The following CRTC1 variants were observed in gnomAD, a reference collection of about 807,000 sequenced individuals.
CRTC1 encodes the protein CREB-regulated transcription coactivator 1.
A neutral mutation model predicts 66.1 loss-of-function variants in CRTC1; 18 were observed. That is an observed-to-expected ratio of 0.27 (90% CI 0.19 to 0.40). CRTC1 has a LOEUF of 0.40. Among genes scored for constraint, CRTC1 ranks in the 10% least tolerant of loss-of-function variants. CRTC1 has a pLI of 1.00. For synonymous variants in CRTC1, 416 were observed against 398.8 expected, an observed-to-expected ratio of 1.04 and a Z score of -0.51; for missense variants, 669 against 887.9, an observed-to-expected ratio of 0.75 and a Z score of 3.13.
chr19:18,765,731 C>T (rs755486671), intron 9 of CRTC1, among the ~76,000 whole-genome samples: 2 of 152,082 alleles, frequency 1.3e-5, no homozygotes, highest in African/African-American at 2.4e-5. Context: ...GAGGCTGAGG[C>T]GGGTGGATCA....
rs982947001 is a variant in CRTC1 at position 18,781,203 on chromosome 19, TGTG to T, written c.*3825_*3827del. Reference sequence around the variant, plus strand: ...CCCTGGGCCTGGCCCGTCACCCACATGTGGTGCCCTGGGCCAGGGCGTGCGGGC... The same window carrying T: ...CCCTGGGCCTGGCCCGTCACCCACATGTGCCCTGGGCCAGGGCGTGCGGGC... On this transcript the variant is annotated 3_prime_UTR_variant, in exon 14 of 14. Transcript: ENST00000321949. 4.4e-6 allele frequency: 1 copy of T among 225,058 alleles called. No homozygotes were observed. The highest frequency in any genetic ancestry group is 6.3e-5 in the East Asian group (1 of 15,774). The allele number at this position is 225,058 out of a possible 1,614,324, so 13.9% of individuals were successfully genotyped here.
At chr19:18,731,310 C>T (rs1431771373) in intron 1 of CRTC1, among the ~76,000 whole-genome samples, 1 of 152,198 alleles carries the variant, frequency 6.6e-6, no homozygotes, top group African/African-American at 2.4e-5. Flanking sequence ...GGCCCCTTTC[C>T]AGCTCCTGGT....
chr19:18,778,323 G>A lies in CRTC1; in HGVS notation c.*941G>A. 2 of 222,998 alleles carry A rather than the reference G, an allele frequency of 9.0e-6. No homozygotes were observed. Among genetic ancestry groups the A allele is most frequent in the Non-Finnish European group, 1.8e-5 (2 of 111,704 alleles). The allele number at this position is 222,998 out of a possible 1,614,324, so 13.8% of individuals were successfully genotyped here. ...TCCTTTTAGTTTCTAGTTACATTTT[G>A]GTTGTAGATGACTCGCTTAATCTTT... On this transcript the variant is annotated 3_prime_UTR_variant, in exon 14 of 14. Coordinates refer to ENST00000321949, the MANE Select transcript of CRTC1 (RefSeq NM_015321.3).
chr19:18,765,508 C>T lies in CRTC1; in HGVS notation c.991C>T (p.Pro331Ser), dbSNP rs1244534272. Residue 331 changes from proline to serine, a missense_variant, in exon 9 of 14, where the codon CCG becomes TCG. Physicochemically the swap from Pro to Ser is moderately conservative, Grantham distance 74 (BLOSUM62 -1). Transcript: ENST00000321949. ...TCAGCAGGCATCGCCCACCCTGTCC[C>T]CGCTGTCACCCATCACTCAGGTGCG... ...RRQQASPTLS[P>S]LSPITQAVAM... The T allele has an allele frequency of 2.5e-6, 4 of 1,606,928 alleles. No homozygotes were observed. Among genetic ancestry groups the T allele is most frequent in the Admixed American group, 1.7e-5 (1 of 59,896 alleles).
In CRTC1 at chr19:18,779,844, C is replaced by T; in HGVS notation, c.*2462C>T. On this transcript the variant is annotated 3_prime_UTR_variant, in exon 14 of 14. Coordinates refer to ENST00000321949, the MANE Select transcript of CRTC1 (RefSeq NM_015321.3). ...CCTGGTGGACCGAGGTCCGAGCTTG[C>T]CAGGGACAGTGGGGCCCACGCGAGT... The T allele has an allele frequency of 4.4e-6, 1 of 227,168 alleles. No individual in the cohort carries two copies. The highest frequency in any genetic ancestry group is 8.7e-6 in the Non-Finnish European group (1 of 114,404). 14.1% of individuals were successfully genotyped at this position (227,168 alleles called of 1,614,324 possible).
chr19:18,725,669 C>T (rs1290707199), intron 1 of CRTC1, among the ~76,000 whole-genome samples: 1 of 152,210 alleles, frequency 6.6e-6, no homozygotes, highest in African/African-American at 2.4e-5. Context: ...CCTCCTCCCT[C>T]TTCCTGAGCC....
intron 5 of CRTC1, 146 bp from the exon 6 acceptor site, chr19:18,753,354 A>G (rs764459231): frequency 1.2e-5 from 6 of 512,290 alleles, no homozygotes; most frequent in East Asian, 6.1e-5. Context: ...TGGTTTTAGT[A>G]CAGTCCACAG....
intron 8 of CRTC1, among the ~76,000 whole-genome samples, chr19:18,763,133 C>G (rs1249763288): frequency 6.6e-6 from 1 of 152,022 alleles, no homozygotes; most frequent in Non-Finnish European, 1.5e-5. Flanking sequence ...CAAAGTCTCA[C>G]TCTGTCACCC....
rs1056419299 is a variant in CRTC1, at chr19:18,730,010, G to A, written c.127-12900G>A. The stretch of plus-strand genomic sequence containing the variant: ...CACCCCACCCAGGGGCCACTGCCCA[G>A]CAGCAAGTGCACTTAGCCATGCAGC... On this transcript the variant is annotated intron_variant, in intron 1 of 13. Coordinates refer to ENST00000321949, the MANE Select transcript of CRTC1 (RefSeq NM_015321.3). Among the ~76,000 whole-genome samples the A allele has an allele frequency of 7.2e-5, 11 of 152,296 alleles. 1 individual carries two copies. Among genetic ancestry groups the A allele is most frequent in the Admixed American group, 2.0e-4 (3 of 15,302 alleles).
At chr19:18,704,170 G>A (rs1484501385) in intron 1 of CRTC1, among the ~76,000 whole-genome samples, 1 of 152,150 alleles carries the variant, frequency 6.6e-6, no homozygotes, top group Non-Finnish European at 1.5e-5. Flanking sequence ...TGTTGCCCAG[G>A]TTGGAGTGCA....
At chr19:18,749,309 T>C (rs1374546496) in intron 4 of CRTC1, among the ~76,000 whole-genome samples, 2 of 152,122 alleles carry the variant, frequency 1.3e-5, no homozygotes. Flanking sequence ...CTGAGCATCC[T>C]AGAGGGCACA....
At chr19:18,747,608 G>A (rs1410529941) in intron 4 of CRTC1, among the ~76,000 whole-genome samples, 1 of 152,204 alleles carries the variant, frequency 6.6e-6, no homozygotes, top group African/African-American at 2.4e-5. Context: ...ACTCCAGCCT[G>A]GGTGACAGAG....
At chr19:18,722,664 C>T (rs776227447) in intron 1 of CRTC1, among the ~76,000 whole-genome samples, 5 of 152,236 alleles carry the variant, frequency 3.3e-5, no homozygotes, top group Non-Finnish European at 4.4e-5. Flanking sequence ...TAGAGCATGC[C>T]GTGGTGGCGT....
intron 1 of CRTC1, among the ~76,000 whole-genome samples, chr19:18,715,027 A>G (rs1459921646): frequency 6.6e-6 from 1 of 152,222 alleles, no homozygotes; most frequent in Non-Finnish European, 1.5e-5. Context: ...GGTTTAAGAA[A>G]CAGAAATGTA....
chr19:18,732,394 G>A (rs2053910227), intron 1 of CRTC1, among the ~76,000 whole-genome samples: 1 of 152,234 alleles, frequency 6.6e-6, no homozygotes, highest in African/African-American at 2.4e-5. Context: ...GGCCAGGAAA[G>A]GCGCTGTACC....
chr19:18,751,111 C>T (rs985753535), intron 5 of CRTC1, among the ~76,000 whole-genome samples: 2 of 152,182 alleles, frequency 1.3e-5, no homozygotes, highest in Non-Finnish European at 2.9e-5. Flanking sequence ...TGGGGTTGGC[C>T]TGGCTGCCTC....
intron 1 of CRTC1, among the ~76,000 whole-genome samples, chr19:18,738,019 G>A (rs78258728): frequency 0.036 from 5,442 of 152,218 alleles, 133 homozygotes; most frequent in African/African-American, 0.048. Flanking sequence ...AGTGTTGGAG[G>A]AGTCAGAAGT....
rs962079801 is a variant in CRTC1 at position 18,778,337 on chromosome 19, C to CG, written c.*956dup. The CG allele has an allele frequency of 1.3e-5, 3 of 231,102 alleles. No individual in the cohort carries two copies. The highest frequency in any genetic ancestry group is 6.6e-5 in the African/African-American group (3 of 45,190). The allele number at this position is 231,102 out of a possible 1,614,324, so 14.3% of individuals were successfully genotyped here. A position where few individuals can be genotyped will look rare whatever the true frequency, so the allele number is the denominator to read the frequency against. ...AGTTACATTTTGGTTGTAGATGACT[C>CG]GCTTAATCTTTTAAGCCAACACTTG... On this transcript the variant is annotated 3_prime_UTR_variant, in exon 14 of 14. Transcript: ENST00000321949.
rs924971910 is a variant in CRTC1 at position 18,771,770 on chromosome 19, C to G, written c.1425+224C>G. 2.6e-5 allele frequency among the ~76,000 whole-genome samples: 4 copies of G among 152,214 alleles called. No homozygotes were observed. Among genetic ancestry groups the G allele is most frequent in the Non-Finnish European group, 4.4e-5 (3 of 68,028 alleles). On this transcript the variant is annotated intron_variant, in intron 11 of 13. Transcript: ENST00000321949. The surrounding 1 kb of genome is among the most constrained non-coding windows in gnomAD (Gnocchi z 4.6). Reference sequence around the variant, plus strand: ...CAGGAGCCGCCAGAGCCTGCCTCTGCTGAACACTAGGTGGGGGTGTGCGTT... The same window carrying G: ...CAGGAGCCGCCAGAGCCTGCCTCTGGTGAACACTAGGTGGGGGTGTGCGTT...
Sources: gnomAD v4.1 joint callset for allele counts (sites outside exome capture counted in the v4.1 genomes callset) on GRCh38, gnomAD v4.1.1 for gene constraint, Gnocchi (gnomAD v3.1) non-coding constraint, MANE v1.5 for transcripts, NCBI Gene and HGNC (gene_info 2026-07-23, HGNC 2026-07-21) for gene names.